The following CFLAR variants were observed in gnomAD, a reference collection of about 807,000 sequenced individuals.
CFLAR encodes CASP8 and FADD-like apoptosis regulator.
A neutral mutation model predicts 51.1 loss-of-function variants in CFLAR; 14 were observed. That is an observed-to-expected ratio of 0.27 (90% CI 0.18 to 0.43). CFLAR has a LOEUF of 0.43. CFLAR is among the 20% of genes least tolerant of loss of function. The pLI is 1.00. For synonymous variants in CFLAR, 210 were observed against 211.6 expected (o/e 0.99, Z 0.06); for missense variants, 390 against 566.5 (o/e 0.69, Z 3.16).
chr2:201,152,649 A>G (rs77666495), intron 8 of CFLAR, among the ~76,000 whole-genome samples: 1,760 of 152,300 alleles, frequency 0.012, 13 homozygotes, highest in Non-Finnish European at 0.018. Context: ...GGGTGAGTGG[A>G]ATGCATCCCC....
At chr2:201,123,735 A>G (rs2048414065) in intron 1 of CFLAR, among the ~76,000 whole-genome samples, 1 of 152,170 alleles carries the variant, frequency 6.6e-6, no homozygotes. Context: ...TATAACTGGG[A>G]TCATCTGTTG....
At chr2:201,132,426 G>GAAAAAAA (rs561568592) in intron 2 of CFLAR, among the ~76,000 whole-genome samples, 4 of 137,958 alleles carry the variant, frequency 2.9e-5, no homozygotes, top group African/African-American at 1.1e-4. Context: ...CCTAGGGGGG[G>GAAAAAAA]AAAAATATAT....
Position 201,174,908 on chromosome 2 carries a change from C to A in CFLAR, c.*10935C>A, listed in dbSNP as rs113553625. The A allele has an allele frequency of 6.2e-3, 941 of 152,298 alleles. 9 individuals are homozygous for A. Among genetic ancestry groups the A allele is most frequent in the African/African-American group, 0.021 (878 of 41,542 alleles). The allele number at this position is 152,298 out of a possible 1,614,324, so 9.4% of individuals were successfully genotyped here. ...AAGGCCAACCCAAACCAGCCAAAAC[C>A]ATGATGGTGACAGAAGAGACCTCTG... On this transcript the variant is annotated 3_prime_UTR_variant, in exon 10 of 10. Coordinates refer to ENST00000309955, the MANE Select transcript of CFLAR (RefSeq NM_003879.7).
In CFLAR at chr2:201,118,970, C is replaced by G. The variant is rs1468357493; in HGVS notation, c.-138+2489C>G. The G allele has an allele frequency of 2.6e-5, 4 of 152,270 alleles. No individual in the cohort carries two copies. The highest frequency in any genetic ancestry group is 5.9e-5 in the Non-Finnish European group (4 of 68,108). 9.4% of individuals were successfully genotyped at this position (152,270 alleles called of 1,614,324 possible). ...GTGTCGCCCTGGGCTCCTGGGACGT[C>G]GGGGCACTGTCCCCCGATACTGGCA... is the stretch of plus-strand genomic sequence containing the variant. On this transcript the variant is annotated intron_variant, in intron 1 of 9. Transcript: ENST00000309955. The surrounding 1 kb of genome is among the most constrained non-coding windows in gnomAD (Gnocchi z 5.1).
In CFLAR at chr2:201,133,083, A is replaced by G; in HGVS notation, c.336A>G (p.Leu112=). ...TGGATAAATCTGATGTGTCCTCATT[A>G]ATTTTCCTCATGAAGGATTACATGG... The part of the protein sequence containing the change: ...EDLDKSDVSS[L]IFLMKDYMGR... The change falls in exon 3 of 10, where the codon TTA becomes TTG. Residue 112 remains leucine (L), a synonymous_variant. Coordinates refer to ENST00000309955, the MANE Select transcript of CFLAR (RefSeq NM_003879.7). 6.2e-7 allele frequency: 1 copy of G among 1,612,568 alleles called. No homozygotes were observed. The highest frequency in any genetic ancestry group is 8.5e-7 in the Non-Finnish European group (1 of 1,178,576).
intron 9 of CFLAR, chr2:201,162,987 G>T: frequency 1.4e-6 from 1 of 740,412 alleles, no homozygotes; most frequent in Non-Finnish European, 2.5e-6. Flanking sequence ...ATCCTTAATT[G>T]TTTTCTAGGG....
chr2:201,160,775 G>C lies in CFLAR; in HGVS notation c.1137G>C (p.Ala379=), dbSNP rs369277646. Reference sequence around the variant, plus strand: ...GCCTCTTGGAGGTGGATGGGCCAGCGATGAAGAATGTGGAATTCAAGGCTC... The same window carrying C: ...GCCTCTTGGAGGTGGATGGGCCAGCCATGAAGAATGTGGAATTCAAGGCTC... The part of the protein sequence containing the change: ...DSSLLEVDGP[A]MKNVEFKAQK... The change falls in exon 9 of 10, where the codon GCG becomes GCC. Residue 379 remains alanine (A), a synonymous_variant. Coordinates refer to ENST00000309955, the MANE Select transcript of CFLAR (RefSeq NM_003879.7). 1.3e-4 allele frequency: 205 copies of C among 1,614,130 alleles called. No individual in the cohort carries two copies. The Middle Eastern group carries it at 1.6e-3, about 13-fold the overall frequency.
rs868471987 is a variant in CFLAR at position 201,166,605 on chromosome 2, C to A, written c.*2632C>A. 8.9e-5 allele frequency: 16 copies of A among 180,146 alleles called. No individual in the cohort carries two copies. Among genetic ancestry groups the A allele is most frequent in the Admixed American group, 1.9e-4 (3 of 15,644 alleles). 11.2% of individuals were successfully genotyped at this position (180,146 alleles called of 1,614,324 possible). A position where few individuals can be genotyped will look rare whatever the true frequency, so the allele number is the denominator to read the frequency against. Reference sequence around the variant, plus strand: ...GCTGTAATCTCGGCACCCTGGGGGGCCAAGGCAGGCGGCTGGGAGGCGGAG... The same window carrying A: ...GCTGTAATCTCGGCACCCTGGGGGGACAAGGCAGGCGGCTGGGAGGCGGAG... On this transcript the variant is annotated 3_prime_UTR_variant, in exon 10 of 10. Coordinates refer to ENST00000309955, the MANE Select transcript of CFLAR (RefSeq NM_003879.7).
At chr2:201,134,166 C>T (rs925490451) in intron 3 of CFLAR, among the ~76,000 whole-genome samples, 7 of 151,488 alleles carry the variant, frequency 4.6e-5, no homozygotes, top group African/African-American at 1.7e-4. Context: ...AAAAATTAGC[C>T]GGGCGTGGTG....
chr2:201,172,863 A>G lies in CFLAR; in HGVS notation c.*8890A>G, dbSNP rs913876849. The stretch of plus-strand genomic sequence containing the variant: ...GGATGATGCTGCTATGAATATTCGT[A>G]TATGAATTTTTATATGGATATATGT... On this transcript the variant is annotated 3_prime_UTR_variant, in exon 10 of 10. Coordinates refer to ENST00000309955, the MANE Select transcript of CFLAR (RefSeq NM_003879.7). The G allele has an allele frequency of 3.9e-5, 6 of 152,168 alleles. No individual in the cohort carries two copies. Among genetic ancestry groups the G allele is most frequent in the Admixed American group, 3.3e-4 (5 of 15,276 alleles). The allele number at this position is 152,168 out of a possible 1,614,324, so 9.4% of individuals were successfully genotyped here. A position where few individuals can be genotyped will look rare whatever the true frequency, so the allele number is the denominator to read the frequency against.
chr2:201,129,724 C>A lies in CFLAR; in HGVS notation c.-137-5C>A. The A allele has an allele frequency of 1.3e-6, 1 of 760,248 alleles. No homozygotes were observed. 47.1% of individuals were successfully genotyped at this position (760,248 alleles called of 1,614,324 possible). ...ATTTTCAGAAAAATTCCCTTTTAAC[C>A]ACAGAACTCCCCCACTGGAAAGGAT... On this transcript the variant is annotated splice_region_variant and splice_polypyrimidine_tract_variant and intron_variant, in intron 1 of 9. Coordinates refer to ENST00000309955, the MANE Select transcript of CFLAR (RefSeq NM_003879.7).
Position 201,157,451 on chromosome 2 carries a change from C to A in CFLAR, c.794-2981C>A, listed in dbSNP as rs1387700727. Among the ~76,000 whole-genome samples, 3 of 152,032 alleles carry A rather than the reference C, an allele frequency of 2.0e-5. No homozygotes were observed. The East Asian group carries it at 5.8e-4, about 29-fold the overall frequency. On this transcript the variant is annotated intron_variant, in intron 8 of 9. Coordinates refer to ENST00000309955, the MANE Select transcript of CFLAR (RefSeq NM_003879.7). ...CCACTGTACCCTGCCCTCACAGTCA[C>A]CTTTTGAAGAACCTCCTGCTCAAGA...
At chr2:201,155,046 T>C (rs1260057982) in intron 8 of CFLAR, among the ~76,000 whole-genome samples, 3 of 152,192 alleles carry the variant, frequency 2.0e-5, no homozygotes, top group Non-Finnish European at 4.4e-5. Context: ...GAAAAATAAG[T>C]CTTTGGTGTT....
chr2:201,149,928 C>T (rs953885205), intron 8 of CFLAR, 93 bp downstream of exon 8: 42 of 918,432 alleles, frequency 4.6e-5, no homozygotes, highest in East Asian at 7.5e-5. Flanking sequence ...CACCAACTGC[C>T]GTGACAAACC....
In CFLAR at chr2:201,154,588, T is replaced by C. The variant is rs1575876072; in HGVS notation, c.793+4753T>C. ...CTCCAGTACCTGGAAGAATACCTGC[T>C]ATGTAGGTGTTCAATAAATAATTGT... On this transcript the variant is annotated intron_variant, in intron 8 of 9. Coordinates refer to ENST00000309955, the MANE Select transcript of CFLAR (RefSeq NM_003879.7). 3 of 152,384 alleles carry C rather than the reference T, an allele frequency of 2.0e-5. No individual in the cohort carries two copies. The Middle Eastern group carries it at 0.01, about 518-fold the overall frequency. The allele number at this position is 152,384 out of a possible 1,614,324, so 9.4% of individuals were successfully genotyped here. A position where few individuals can be genotyped will look rare whatever the true frequency, so the allele number is the denominator to read the frequency against.
At chr2:201,132,722 T>A in intron 2 of CFLAR, 1 of 270,710 alleles carries the variant, frequency 3.7e-6, no homozygotes. Context: ...CATTTCACTG[T>A]AACCTCTGGG....
chr2:201,146,324 T>G (rs1940159473), intron 6 of CFLAR: 2 of 152,208 alleles, frequency 1.3e-5, no homozygotes, highest in Admixed American at 1.3e-4. Context: ...TTTTTGTATT[T>G]TTAGTAGAGA....
chr2:201,168,368 CA>C lies in CFLAR; in HGVS notation c.*4400del, dbSNP rs1338789932. On this transcript the variant is annotated 3_prime_UTR_variant, in exon 10 of 10. Coordinates refer to ENST00000309955, the MANE Select transcript of CFLAR (RefSeq NM_003879.7). Reference sequence around the variant, plus strand: ...TTCATCACATAAACAGAACTAAAGACAAAAACCACATGATTATCTCAATAGA... The same window carrying C: ...TTCATCACATAAACAGAACTAAAGACAAAACCACATGATTATCTCAATAGA... The C allele has an allele frequency of 6.6e-6, 1 of 152,136 alleles. No individual in the cohort carries two copies. Among genetic ancestry groups the C allele is most frequent in the Non-Finnish European group, 1.5e-5 (1 of 68,028 alleles). 9.4% of individuals were successfully genotyped at this position (152,136 alleles called of 1,614,324 possible).
At chr2:201,131,858 G>C (rs559022626) in intron 2 of CFLAR, among the ~76,000 whole-genome samples, 1 of 151,732 alleles carries the variant, frequency 6.6e-6, no homozygotes, top group Admixed American at 6.5e-5. Context: ...AACCTTGTTG[G>C]GCCTCTGTTT....
Sources: allele counts gnomAD v4.1 joint callset (sites outside exome capture counted in the v4.1 genomes callset), GRCh38; gene constraint gnomAD v4.1.1; non-coding constraint Gnocchi (gnomAD v3.1); transcripts MANE v1.5; gene names NCBI Gene and HGNC (gene_info 2026-07-23, HGNC 2026-07-21).